MIER1: variants seen among roughly 807,000 people sequenced by gnomAD.
The protein encoded by MIER1 is mesoderm induction early response protein 1.
In MIER1, 40 loss-of-function variants were observed where a neutral mutation model predicts 75.7. That is an observed-to-expected ratio of 0.53 (90% CI 0.41 to 0.69). MIER1 has a LOEUF of 0.69. Among genes scored for constraint, MIER1 ranks in the 30% least tolerant of loss-of-function variants. The probability of loss-of-function intolerance (pLI) is 0.00; values close to 1 mark genes in which losing one functional copy is unlikely to be tolerated. For missense variants in MIER1, 574 were observed against 680.2 expected (o/e 0.84, Z 1.74); for synonymous variants, 213 against 223.4 (o/e 0.95, Z 0.42).
At chr1:66,948,121 A>C (rs1464352542) in intron 4 of MIER1, 3 of 905,362 alleles carry the variant, frequency 3.3e-6, no homozygotes, top group African/African-American at 3.6e-5. Context: ...AGAAGATGAA[A>C]TAAAATGACT....
chr1:66,931,186 C>T (rs990696598), intron 2 of MIER1, among the ~76,000 whole-genome samples: 1 of 152,150 alleles, frequency 6.6e-6, no homozygotes, highest in Middle Eastern at 3.4e-3. Context: ...TCCTAAAGCC[C>T]CTTTTTTTGA....
At chr1:66,932,625 C>G (rs2101076137) in intron 2 of MIER1, 1 of 149,656 alleles carries the variant, frequency 6.7e-6, no homozygotes, top group South Asian at 2.1e-4. Context: ...TCAGTAGATT[C>G]ATTCTTTATG....
At chr1:66,958,762 A>G (rs1660665960) in intron 5 of MIER1, 89 bp from the exon 6 acceptor site, 1 of 1,101,896 alleles carries the variant, frequency 9.1e-7, no homozygotes, top group Non-Finnish European at 1.3e-6. Flanking sequence ...AGTCTTCTGC[A>G]TATATTAGAA....
At chr1:66,925,591 A>G (rs1440107407) in intron 1 of MIER1, 1 of 965,028 alleles carries the variant, frequency 1.0e-6, no homozygotes, top group African/African-American at 1.8e-5. Flanking sequence ...GAGGGAGGAG[A>G]GACTCGAATA....
chr1:66,957,947 C>A, intron 4 of MIER1, 112 bp from the exon 5 acceptor site: 1 of 539,840 alleles, frequency 1.9e-6, no homozygotes, highest in Non-Finnish European at 3.0e-6. Context: ...GAATTCGTAA[C>A]ACAGCTTTTA....
chr1:66,936,042 A>G (rs921197276), intron 2 of MIER1, among the ~76,000 whole-genome samples: 5 of 152,194 alleles, frequency 3.3e-5, no homozygotes, highest in African/African-American at 1.2e-4. Flanking sequence ...TCAGTAGGAT[A>G]AGTTCAGGTT....
At chr1:66,938,835 G>T (rs1655528150) in intron 2 of MIER1, among the ~76,000 whole-genome samples, 1 of 152,080 alleles carries the variant, frequency 6.6e-6, no homozygotes, top group Non-Finnish European at 1.5e-5. Flanking sequence ...AACAGAAAAA[G>T]TAGGACCTTT....
intron 8 of MIER1, among the ~76,000 whole-genome samples, chr1:66,970,376 C>G (rs992742030): frequency 2.0e-5 from 3 of 152,168 alleles, no homozygotes. Context: ...ATAATAGTTA[C>G]AGTTACAATT....
intron 2 of MIER1, among the ~76,000 whole-genome samples, chr1:66,933,774 G>T (rs751671224): frequency 1.3e-5 from 2 of 152,174 alleles, no homozygotes; most frequent in Non-Finnish European, 2.9e-5. Flanking sequence ...TTCATTGGCA[G>T]TTAAGAGTTA....
At chr1:66,970,005 T>A (rs1415875888) in intron 8 of MIER1, among the ~76,000 whole-genome samples, 2 of 152,194 alleles carry the variant, frequency 1.3e-5, no homozygotes, top group African/African-American at 4.8e-5. Flanking sequence ...TTTGAAACAC[T>A]CTCTTCCCTT....
chr1:66,932,479 G>T (rs1481485853), intron 2 of MIER1, among the ~76,000 whole-genome samples: 1 of 152,144 alleles, frequency 6.6e-6, no homozygotes, highest in African/African-American at 2.4e-5. Context: ...TCTAAGACAG[G>T]TGAAGAAGTG....
chr1:66,964,889 TTTG>T, intron 8 of MIER1, among the ~76,000 whole-genome samples: 1 of 152,294 alleles, frequency 6.6e-6, no homozygotes, highest in Middle Eastern at 3.4e-3. Flanking sequence ...ATAGAAGTTT[TTTG>T]TTGTTTATTT....
At chr1:66,936,998 C>CAAAAAAAAAAAAAAA (rs751644771) in intron 2 of MIER1, among the ~76,000 whole-genome samples, 9 of 68,348 alleles carry the variant, frequency 1.3e-4, no homozygotes, top group Non-Finnish European at 2.1e-4. Context: ...GACTCCATCT[C>CAAAAAAAAAAAAAAA]AAAAAAAAAA....
At chr1:66,935,238 G>T (rs1259496776) in intron 2 of MIER1, among the ~76,000 whole-genome samples, 1 of 152,122 alleles carries the variant, frequency 6.6e-6, no homozygotes, top group Non-Finnish European at 1.5e-5. Flanking sequence ...ATATAAAAGA[G>T]AATTATTTCA....
chr1:66,970,820 A>T lies in MIER1; in HGVS notation c.785A>T (p.Asp262Val). The change falls in exon 9 of 14, where the codon GAT becomes GTT. Residue 262 changes from aspartate to valine, a missense_variant. Asp to Val is a radical substitution (Grantham distance 152, BLOSUM62 -3). Transcript: ENST00000401041. ...TTTACTAATTTAGTATATGAAAATG[A>T]TGATCAGCTCCTGTGGGACCCTGAG... ...YKENEKVYEN[D>V]DQLLWDPEYL... is the part of the protein sequence containing the mutation. 6.4e-7 allele frequency: 1 copy of T among 1,556,436 alleles called. No homozygotes were observed. The highest frequency in any genetic ancestry group is 8.6e-7 in the Non-Finnish European group (1 of 1,159,754).
Position 66,984,851 on chromosome 1 carries a change from A to G in MIER1, c.1649A>G (p.Glu550Gly). 1 of 1,608,668 alleles carries G rather than the reference A, an allele frequency of 6.2e-7. No homozygotes were observed. The highest frequency in any genetic ancestry group is 8.5e-7 in the Non-Finnish European group (1 of 1,178,554). Residue 550 changes from glutamate to glycine, a missense_variant, in exon 14 of 14, where the codon GAA (glutamate) becomes GGA (glycine). Physicochemically the swap from Glu to Gly is moderately conservative, Grantham distance 98. Around this residue, in one of 3 missense-constraint regions of MIER1, gnomAD observed 164 missense variants for 154.3 expected, o/e 1.06. Transcript: ENST00000401041. ...CCAGGTTCTTCTGAATTTTTCCAAG[A>G]AGCAGTCTCACATGGGAAATTTGAA... Reference protein sequence around the residue: ...ESPGSSEFFQEAVSHGKFEEL... With the variant: ...ESPGSSEFFQGAVSHGKFEEL...
Position 66,985,097 on chromosome 1 carries a change from G to A in MIER1, c.*197G>A. ...TTTAAAGCTGTCAGACTCTTTTAAG[G>A]GTATTTTAAAAATTAGTAAATTTGA... On this transcript the variant is annotated 3_prime_UTR_variant, in exon 14 of 14. Transcript: ENST00000401041. 7.2e-6 allele frequency: 9 copies of A among 1,251,526 alleles called. No homozygotes were observed. The South Asian group carries it at 7.8e-5, about 11-fold the overall frequency. 77.5% of individuals were successfully genotyped at this position (1,251,526 alleles called of 1,614,324 possible).
At chr1:66,947,148 C>G (rs1186361189) in intron 4 of MIER1, 1 of 237,080 alleles carries the variant, frequency 4.2e-6, no homozygotes. Flanking sequence ...GTGTTCAGAT[C>G]CACATCTTCA....
At chr1:66,948,364 C>T (rs1658152476) in intron 4 of MIER1, 1 of 379,300 alleles carries the variant, frequency 2.6e-6, no homozygotes, top group Non-Finnish European at 3.6e-6. Context: ...TAATAAAGAC[C>T]TATGTCTCAT....
Sources: allele counts gnomAD v4.1 joint callset (sites outside exome capture counted in the v4.1 genomes callset), GRCh38; gene constraint gnomAD v4.1.1; regional missense constraint gnomAD v4.1.1; transcripts MANE v1.5; gene names NCBI Gene and HGNC (gene_info 2026-07-23, HGNC 2026-07-21).